Variants in LINGO2 observed in about 807,000 individuals in gnomAD.
LINGO2 encodes the protein leucine-rich repeat and immunoglobulin-like domain-containing nogo receptor-interacting protein 2.
LINGO2 carries 14 observed loss-of-function variants against 30.6 expected under a neutral mutation model. The observed-to-expected ratio is 0.46, with a 90% CI of 0.30 to 0.72. LINGO2 has a LOEUF of 0.72. Among genes scored for constraint, LINGO2 ranks in the 30% least tolerant of loss-of-function variants. The pLI is 0.07. For synonymous variants in LINGO2, 317 were observed against 288.5 expected (o/e 1.10, Z -1.00); for missense variants, 729 against 751.7 (o/e 0.97, Z 0.35).
At chr9:28,439,873 A>G (rs1824119239) in intron 2 of LINGO2, among the ~76,000 whole-genome samples, 1 of 152,178 alleles carries the variant, frequency 6.6e-6, no homozygotes, top group African/African-American at 2.4e-5. Context: ...CGTATGATTC[A>G]CATTGCCATC....
At chr9:28,912,578 C>G in the LINGO2 span, among the ~76,000 whole-genome samples, 1 of 152,140 alleles carries the variant, frequency 6.6e-6, no homozygotes, top group Non-Finnish European at 1.5e-5. Context: ...CATCCACTAA[C>G]TGGACAAGTA....
At chr9:28,053,842 C>T (rs1451922940) in intron 4 of LINGO2, among the ~76,000 whole-genome samples, 1 of 151,998 alleles carries the variant, frequency 6.6e-6, no homozygotes, top group East Asian at 1.9e-4. Flanking sequence ...CCATGAGGTA[C>T]TTGCACTCTA....
At chr9:28,194,311 T>G (rs1819930684) in intron 4 of LINGO2, among the ~76,000 whole-genome samples, 1 of 152,084 alleles carries the variant, frequency 6.6e-6, no homozygotes, top group Non-Finnish European at 1.5e-5. Flanking sequence ...AACAAACCTA[T>G]GGGCCAAGCA....
rs186286658 is a variant in LINGO2, at chr9:28,220,928, G to T, written c.-87+74280C>A. 7.9e-5 allele frequency among the ~76,000 whole-genome samples: 12 copies of T among 152,274 alleles called. No homozygotes were observed. The East Asian group carries it at 1.2e-3, about 15-fold the overall frequency. On this transcript the variant is annotated intron_variant, in intron 4 of 5. Transcript: ENST00000379992. ...GATGTCAATCAAATATGTAATTACA[G>T]TTAGTAGGAATAAATTCAAGAGATC...
the LINGO2 span, among the ~76,000 whole-genome samples, chr9:28,796,480 A>G: frequency 6.6e-6 from 1 of 152,116 alleles, no homozygotes; most frequent in Non-Finnish European, 1.5e-5. Flanking sequence ...AGCACAGCCT[A>G]TATAAATGAG....
chr9:28,156,542 A>G (rs971865454), intron 4 of LINGO2, among the ~76,000 whole-genome samples: 2 of 152,218 alleles, frequency 1.3e-5, no homozygotes, highest in African/African-American at 4.8e-5. Context: ...TGTCTCTAAA[A>G]TCTCAGGTAG....
At chr9:29,049,595 C>T in the LINGO2 span, among the ~76,000 whole-genome samples, 1 of 152,070 alleles carries the variant, frequency 6.6e-6, no homozygotes, top group Admixed American at 6.5e-5. Flanking sequence ...GGTACATATA[C>T]ACAATGAAGT....
At chr9:28,701,874 T>C in the LINGO2 span, among the ~76,000 whole-genome samples, 1 of 151,966 alleles carries the variant, frequency 6.6e-6, no homozygotes, top group South Asian at 2.1e-4. Flanking sequence ...TAAACCTAAA[T>C]ATTTCATTTT....
the LINGO2 span, among the ~76,000 whole-genome samples, chr9:29,170,489 A>G: frequency 6.6e-6 from 1 of 152,154 alleles, no homozygotes; most frequent in African/African-American, 2.4e-5. Flanking sequence ...TATTTGTATA[A>G]TGTATACTAT....
At chr9:28,542,296 G>A (rs1179162710) in intron 1 of LINGO2, among the ~76,000 whole-genome samples, 5 of 151,700 alleles carry the variant, frequency 3.3e-5, no homozygotes, top group Non-Finnish European at 1.5e-5. Context: ...GCAGCTGCAA[G>A]CTATCTGCTG....
intron 1 of LINGO2, among the ~76,000 whole-genome samples, chr9:28,518,344 T>C (rs1194348291): frequency 1.3e-5 from 2 of 152,216 alleles, no homozygotes; most frequent in African/African-American, 2.4e-5. Context: ...CTAGTTATAA[T>C]ATAGGTTAGT....
chr9:28,192,982 T>A (rs1475579081), intron 4 of LINGO2, among the ~76,000 whole-genome samples: 1 of 152,120 alleles, frequency 6.6e-6, no homozygotes, highest in Non-Finnish European at 1.5e-5. Context: ...TGGGGAGACT[T>A]AGAAGGCCTA....
At chr9:28,689,537 T>G in the LINGO2 span, among the ~76,000 whole-genome samples, 1 of 152,056 alleles carries the variant, frequency 6.6e-6, no homozygotes, top group East Asian at 1.9e-4. Context: ...GAATGGCTAT[T>G]ATCAAAAAGT....
chr9:29,194,579 T>C, the LINGO2 span, among the ~76,000 whole-genome samples: 2 of 152,162 alleles, frequency 1.3e-5, no homozygotes, highest in African/African-American at 2.4e-5. Flanking sequence ...GTTCAGGCAA[T>C]AGTCCCTATG....
Position 28,071,697 on chromosome 9 carries a change from A to G in LINGO2, c.-86-59292T>C, listed in dbSNP as rs1270850419. Among the ~76,000 whole-genome samples the G allele has an allele frequency of 2.6e-5, 4 of 152,048 alleles. No individual in the cohort carries two copies. The East Asian group carries it at 7.7e-4, about 29-fold the overall frequency. The stretch of plus-strand genomic sequence containing the variant: ...TGTACTTTGGCAAAAATTAGCCAAT[A>G]AATGAGTGATAAAAACTGGATATAC... On this transcript the variant is annotated intron_variant, in intron 4 of 5. Transcript: ENST00000379992.
chr9:27,996,764 C>A (rs1310591097), intron 5 of LINGO2, among the ~76,000 whole-genome samples: 1 of 152,152 alleles, frequency 6.6e-6, no homozygotes, highest in Non-Finnish European at 1.5e-5. Context: ...TTGCAACATT[C>A]CACACACAAA....
chr9:28,017,187 A>T (rs1256585334), intron 4 of LINGO2, among the ~76,000 whole-genome samples: 1 of 152,158 alleles, frequency 6.6e-6, no homozygotes, highest in African/African-American at 2.4e-5. Flanking sequence ...GAAGGAACAC[A>T]CTTCAAAATA....
At chr9:28,087,105 T>A (rs1467072148) in intron 4 of LINGO2, among the ~76,000 whole-genome samples, 3 of 152,026 alleles carry the variant, frequency 2.0e-5, no homozygotes. Context: ...AAAGAAAGCA[T>A]AAACAGGAGA....
At position 28,048,481 on chromosome 9, in the gene LINGO2, A is replaced by G. The variant is rs141607582; in HGVS notation, c.-86-36076T>C. Among the ~76,000 whole-genome samples, 30 of 151,066 alleles carry G rather than the reference A, an allele frequency of 2.0e-4. 1 individual carries two copies. In the East Asian group the frequency reaches 5.9e-3, roughly 30 times the overall value. ...AAGATACCTTTAGTCACCTATTAAAAAAGCAAATGGATTAAGAAATATTGT... is the reference window on the plus strand; with the variant it reads ...AAGATACCTTTAGTCACCTATTAAAGAAGCAAATGGATTAAGAAATATTGT... On this transcript the variant is annotated intron_variant, in intron 4 of 5. Coordinates refer to ENST00000379992, the Ensembl canonical transcript of LINGO2.
Sources: allele counts gnomAD v4.1 joint callset (sites outside exome capture counted in the v4.1 genomes callset), GRCh38; gene constraint gnomAD v4.1.1; transcripts MANE v1.5; gene names NCBI Gene and HGNC (gene_info 2026-07-23, HGNC 2026-07-21).